PHYKPL: variants seen among roughly 807,000 people sequenced by gnomAD.
PHYKPL encodes the protein 5-phosphonooxy-L-lysine phospho-lyase.
A neutral mutation model predicts 51.3 loss-of-function variants in PHYKPL; 42 were observed. That is an observed-to-expected ratio of 0.82 (90% CI 0.64 to 1.06). PHYKPL has a LOEUF of 1.06. Ranked by LOEUF, PHYKPL falls within the 50% of genes least tolerant of loss-of-function variation. PHYKPL has a pLI of 0.00. For synonymous variants in PHYKPL, 264 were observed against 236.0 expected (o/e 1.12, Z -1.09); for missense variants, 655 against 586.6 (o/e 1.12, Z -1.20).
chr5:178,214,746 C>G (rs1759397246), intron 10 of PHYKPL, 50 bp downstream of exon 10: 3 of 1,537,752 alleles, frequency 2.0e-6, no homozygotes, highest in Non-Finnish European at 2.7e-6. Flanking sequence ...CAAAGAGGTA[C>G]CTGTGGTGTC....
chr5:178,224,225 T>C (rs531208850), intron 6 of PHYKPL: 18 of 524,940 alleles, frequency 3.4e-5, no homozygotes, highest in Middle Eastern at 5.0e-4. Flanking sequence ...AGGACCCCGC[T>C]TGGTACCTCC....
rs149330363 is a variant in PHYKPL, at chr5:178,228,611, T to C, written c.338+1329A>G. ...CCACCTGTAAAATGAAGATGGTGAA[T>C]TCCACTTCCTAGAAATTATCTGGGG... On this transcript the variant is annotated intron_variant, in intron 3 of 12. Transcript: ENST00000308158. 1.1e-4 allele frequency: 75 copies of C among 702,544 alleles called. No individual in the cohort carries two copies. In the Middle Eastern group the frequency reaches 1.1e-3, roughly 11 times the overall value. The allele number at this position is 702,544 out of a possible 1,614,324, so 43.5% of individuals were successfully genotyped here.
chr5:178,212,117 A>G (rs1429420693), intron 11 of PHYKPL, 147 bp from the exon 12 acceptor site: 1 of 780,672 alleles, frequency 1.3e-6, no homozygotes, highest in Admixed American at 2.4e-5. Flanking sequence ...AAGGGGTGGC[A>G]GCAGTTTCCT....
chr5:178,222,997 C>CAGCACTAGCAGGGCA, intron 6 of PHYKPL, 63 bp from the exon 7 acceptor site: 1 of 1,518,900 alleles, frequency 6.6e-7, no homozygotes, highest in Non-Finnish European at 9.1e-7. Context: ...CTTAGCGTGC[C>CAGCACTAGCAGGGCA]CTGCTAGTGC....
At chr5:178,214,976 A>AG (rs1759455580) in intron 9 of PHYKPL, 91 bp from the exon 10 acceptor site, 3 of 1,190,258 alleles carry the variant, frequency 2.5e-6, no homozygotes. Context: ...GTGCCTCCTG[A>AG]GGGGGCTGAG....
chr5:178,212,903 C>T (rs1325192019), intron 11 of PHYKPL, 70 bp downstream of exon 11: 1 of 1,587,504 alleles, frequency 6.3e-7, no homozygotes, highest in Middle Eastern at 1.7e-4. Flanking sequence ...CTGTTCCATG[C>T]TAGGAGGCTC....
At chr5:178,228,319 C>T in intron 3 of PHYKPL, 1 of 560,072 alleles carries the variant, frequency 1.8e-6, no homozygotes, top group Non-Finnish European at 3.2e-6. Context: ...GAGCACAGTG[C>T]CCGGGAAGCA....
At chr5:178,231,597 C>G in intron 1 of PHYKPL, 74 bp from the exon 2 acceptor site, 8 of 1,608,896 alleles carry the variant, frequency 5.0e-6, no homozygotes, top group Non-Finnish European at 6.8e-6. Flanking sequence ...CGCAGACCCC[C>G]GCCCACCCCT....
Position 178,225,386 on chromosome 5 carries a change from T to G in PHYKPL, c.382A>C (p.Thr128Pro), listed in dbSNP as rs1762088305. The change falls in exon 4 of 13, where the codon ACG becomes CCG. Residue 128 changes from threonine to proline, a missense_variant. Thr to Pro is a conservative substitution (Grantham distance 38). Coordinates refer to ENST00000308158, the MANE Select transcript of PHYKPL (RefSeq NM_153373.4). ...DLALRLARHY[T>P]GHQDVVVLDH... ...AATACCACCACGTCCTGGTGTCCCG[T>G]GTAGTGGCGAGCCAGCCTCAGGGCC... is the stretch of plus-strand genomic sequence containing the variant. 2 of 1,613,708 alleles carry G rather than the reference T, an allele frequency of 1.2e-6. No individual in the cohort carries two copies. Among genetic ancestry groups the G allele is most frequent in the African/African-American group, 2.7e-5 (2 of 74,742 alleles).
intron 2 of PHYKPL, 196 bp from the exon 3 acceptor site, chr5:178,230,295 T>C (rs1172591075): frequency 8.0e-6 from 5 of 621,700 alleles, no homozygotes; most frequent in Middle Eastern, 8.8e-4. Context: ...CCTGAGATTC[T>C]GGCAGAAGGA....
chr5:178,232,560 C>G lies in PHYKPL; in HGVS notation c.-10G>C. On this transcript the variant is annotated 5_prime_UTR_variant, in exon 1 of 13. Transcript: ENST00000308158. ...GCTGGTCTGCGGCCATGGTGGGTGG[C>G]CGTCAGTCGGTGCCGTGACGCCACG... 8.1e-7 allele frequency: 1 copy of G among 1,229,456 alleles called. No individual in the cohort carries two copies. The highest frequency in any genetic ancestry group is 1.0e-6 in the Non-Finnish European group (1 of 985,486). 76.2% of individuals were successfully genotyped at this position (1,229,456 alleles called of 1,614,324 possible). A position where few individuals can be genotyped will look rare whatever the true frequency, so the allele number is the denominator to read the frequency against.
chr5:178,223,437 G>C, intron 6 of PHYKPL: 1 of 456,272 alleles, frequency 2.2e-6, no homozygotes, highest in Non-Finnish European at 4.4e-6. Context: ...TCAACCCAGA[G>C]AACTGAGCAT....
At chr5:178,214,375 T>C (rs1274145149) in intron 10 of PHYKPL, among the ~76,000 whole-genome samples, 1 of 152,034 alleles carries the variant, frequency 6.6e-6, no homozygotes, top group Admixed American at 6.5e-5. Flanking sequence ...CCCAACCACC[T>C]GTCGTGCGGC....
intron 3 of PHYKPL, chr5:178,226,404 G>GGTTC: frequency 6.6e-6 from 1 of 152,262 alleles, no homozygotes. Flanking sequence ...TTCAAGTTGA[G>GGTTC]GTTCCCACAA....
chr5:178,207,253 T>C, downstream of PHYKPL: 1 of 1,612,476 alleles, frequency 6.2e-7, no homozygotes, highest in East Asian at 2.2e-5. Flanking sequence ...CTGCTTGGCC[T>C]CCTGTGCTGC....
At chr5:178,218,369 A>T in intron 8 of PHYKPL, among the ~76,000 whole-genome samples, 1 of 152,206 alleles carries the variant, frequency 6.6e-6, no homozygotes, top group East Asian at 1.9e-4. Context: ...ACTTGCAGTG[A>T]ATTGAATGTT....
intron 1 of PHYKPL, 73 bp downstream of exon 1, chr5:178,232,419 T>A: frequency 3.7e-6 from 5 of 1,360,092 alleles, no homozygotes; most frequent in Non-Finnish European, 4.7e-6. Context: ...AGTGCGTGCG[T>A]GCGTGCGTCG....
chr5:178,232,510 A>G lies in PHYKPL; in HGVS notation c.41T>C (p.Leu14Pro), dbSNP rs1267830435. 7.9e-7 allele frequency: 1 copy of G among 1,269,624 alleles called. No individual in the cohort carries two copies. Among genetic ancestry groups the G allele is most frequent in the Non-Finnish European group, 9.9e-7 (1 of 1,012,546 alleles). The allele number at this position is 1,269,624 out of a possible 1,614,324, so 78.6% of individuals were successfully genotyped here. Reference protein sequence around the residue: ...DQRPKADTLALRQRLISSSCR... With the variant: ...DQRPKADTLAPRQRLISSSCR... ...CGGGTACCTGATGAGCCGTTGCCTC[A>G]GGGCCAGCGTGTCGGCCTTCGGGCG... is the stretch of plus-strand genomic sequence containing the variant. The change falls in exon 1 of 13, where the codon CTG (leucine) becomes CCG (proline). Residue 14 changes from leucine to proline, a missense_variant. Coordinates refer to ENST00000308158, the MANE Select transcript of PHYKPL (RefSeq NM_153373.4).
chr5:178,232,283 C>G, intron 1 of PHYKPL: 6 of 1,246,556 alleles, frequency 4.8e-6, no homozygotes, highest in Non-Finnish European at 6.0e-6. Context: ...GGAGGCGGCC[C>G]CGGAGACCAC....
Sources: allele counts gnomAD v4.1 joint callset (sites outside exome capture counted in the v4.1 genomes callset), GRCh38; gene constraint gnomAD v4.1.1; transcripts MANE v1.5; gene names NCBI Gene and HGNC (gene_info 2026-07-23, HGNC 2026-07-21).